The following SLC25A45 variants were observed in gnomAD, a reference collection of about 807,000 sequenced individuals.
SLC25A45 encodes the protein methylated amino-acid transporter SLC25A45.
Under a neutral mutation model 23.0 loss-of-function variants are expected in SLC25A45, and 22 were observed. The observed-to-expected ratio is 0.95, with a 90% CI of 0.68 to 1.36. The LOEUF (loss-of-function observed/expected upper bound fraction) is 1.36, where lower values mean the gene tolerates loss of function less well. Among genes scored for constraint, SLC25A45 ranks in the 40% most tolerant of loss-of-function variants. The pLI is 0.00. For synonymous variants in SLC25A45, 136 were observed against 155.0 expected (o/e 0.88, Z 0.91); for missense variants, 355 against 383.5 (o/e 0.93, Z 0.62).
chr11:65,379,078 A>C, intron 5 of SLC25A45: 1 of 402,830 alleles, frequency 2.5e-6, no homozygotes, highest in Non-Finnish European at 4.5e-6. Context: ...CACAGCTCTG[A>C]GGCTGGCAGA....
Position 65,376,510 on chromosome 11 carries a change from A to G in SLC25A45, c.764T>C (p.Leu255Pro), listed in dbSNP as rs369691355. ...CMVSSIRQEG[L>P]GVFFRGVTIN... ...GGTGACCCCCCGGAAGAAGACTCCCAGTCCTTCCTGCCGGATGCTGCTCAC... is the reference window on the plus strand; with the variant it reads ...GGTGACCCCCCGGAAGAAGACTCCCGGTCCTTCCTGCCGGATGCTGCTCAC... The change falls in exon 7 of 7, where the codon CTG becomes CCG. Residue 255 changes from leucine (L) to proline (P), a missense_variant. Coordinates refer to ENST00000398802, the MANE Select transcript of SLC25A45 (RefSeq NM_182556.4). 5.6e-6 allele frequency: 9 copies of G among 1,614,086 alleles called. No individual in the cohort carries two copies. Among genetic ancestry groups the G allele is most frequent in the East Asian group, 4.5e-5 (2 of 44,904 alleles).
At chr11:65,381,398 G>A (rs1158010993) in intron 2 of SLC25A45, 1 of 157,502 alleles carries the variant, frequency 6.3e-6, no homozygotes, top group Non-Finnish European at 1.4e-5. Context: ...CAAAGTGCTG[G>A]GCTTACAGGC....
chr11:65,376,671 T>TGAGCCTGGGGCAGAGA lies in SLC25A45; in HGVS notation c.599-12_602dup (p.Ala202LeufsTer161), dbSNP rs778937669. On this transcript the variant is annotated frameshift_variant, in exon 7 of 7. Coordinates refer to ENST00000398802, the MANE Select transcript of SLC25A45 (RefSeq NM_182556.4). LOFTEE classifies it high-confidence loss of function. Reference sequence around the variant, plus strand: ...AGCCCCCTGCCACCAGCACCGTGGCTGAGCCTGGGGCAGAGAGAGCCCAGA... The same window carrying TGAGCCTGGGGCAGAGA: ...AGCCCCCTGCCACCAGCACCGTGGCTGAGCCTGGGGCAGAGAGAGCCTGGGGCAGAGAGAGCCCAGA... 6.2e-7 allele frequency: 1 copy of TGAGCCTGGGGCAGAGA among 1,613,842 alleles called. No homozygotes were observed. Among genetic ancestry groups the TGAGCCTGGGGCAGAGA allele is most frequent in the East Asian group, 2.2e-5 (1 of 44,886 alleles).
chr11:65,381,842 C>G (rs1160847126), intron 2 of SLC25A45, 73 bp downstream of exon 2: 3 of 1,591,540 alleles, frequency 1.9e-6, no homozygotes, highest in Non-Finnish European at 2.6e-6. Context: ...CTGCTCCTCC[C>G]ATGTCACCCA....
At chr11:65,383,629 G>A (rs1239624279), upstream of SLC25A45, 1 of 151,954 alleles carries the variant, frequency 6.6e-6, no homozygotes, top group Non-Finnish European at 1.5e-5. Flanking sequence ...GTGATGACGG[G>A]CGCCTGTAGT....
At chr11:65,380,225 G>T (rs750187525) in intron 2 of SLC25A45, 50 bp from the exon 3 acceptor site, 16 of 1,613,654 alleles carry the variant, frequency 9.9e-6, no homozygotes, top group South Asian at 4.4e-5. Context: ...GCCAGGCCCA[G>T]GAAGCAAGTC....
intron 2 of SLC25A45, 39 bp downstream of exon 2, chr11:65,381,876 A>G: frequency 6.2e-7 from 1 of 1,613,428 alleles, no homozygotes; most frequent in Non-Finnish European, 8.5e-7. Context: ...GTGACCTACC[A>G]TTGGGTGTGA....
chr11:65,380,553 T>G, intron 2 of SLC25A45: 1 of 1,334,258 alleles, frequency 7.5e-7, no homozygotes, highest in Non-Finnish European at 9.8e-7. Context: ...AGCTTTACTC[T>G]TCTTTCTTCA....
At chr11:65,380,320 C>G (rs1404789944) in intron 2 of SLC25A45, 145 bp from the exon 3 acceptor site, 1 of 1,224,224 alleles carries the variant, frequency 8.2e-7, no homozygotes, top group Non-Finnish European at 1.2e-6. Flanking sequence ...CTGCCAAGCT[C>G]TAGAGACTCC....
intron 2 of SLC25A45, chr11:65,380,594 A>G (rs777179970): frequency 7.7e-7 from 1 of 1,295,206 alleles, no homozygotes; most frequent in Non-Finnish European, 1.0e-6. Context: ...GATCCAGAGC[A>G]GGCCCTGCTG....
In SLC25A45 at chr11:65,382,192, C is replaced by A. The variant is rs1565587257; in HGVS notation, c.-18-223G>T. On this transcript the variant is annotated intron_variant, in intron 1 of 6. Coordinates refer to ENST00000398802, the MANE Select transcript of SLC25A45 (RefSeq NM_182556.4). The surrounding 1 kb of genome is among the most constrained non-coding windows in gnomAD (Gnocchi z 4.4). ...TCTCACGGGCCAGGCGTGCCGGGAC[C>A]ACAGAGGCCCTGATCCCCGAGCCCG... 5.3e-6 allele frequency: 3 copies of A among 566,720 alleles called. No individual in the cohort carries two copies. Among genetic ancestry groups the A allele is most frequent in the Non-Finnish European group, 9.5e-6 (3 of 314,716 alleles). The allele number at this position is 566,720 out of a possible 1,614,324, so 35.1% of individuals were successfully genotyped here.
rs751081430 is a variant in SLC25A45 at position 65,381,984 on chromosome 11, A to G, written c.-18-15T>C. On this transcript the variant is annotated splice_polypyrimidine_tract_variant and intron_variant, in intron 1 of 6. Transcript: ENST00000398802. Reference sequence around the variant, plus strand: ...GCTTGCGGGAACTGGTGGCTCCAGCAGAGGAGACAGAGTTGAATTCCCCCC... The same window carrying G: ...GCTTGCGGGAACTGGTGGCTCCAGCGGAGGAGACAGAGTTGAATTCCCCCC... 19 of 1,589,766 alleles carry G rather than the reference A, an allele frequency of 1.2e-5. No homozygotes were observed. Among genetic ancestry groups the G allele is most frequent in the Non-Finnish European group, 1.5e-5 (17 of 1,157,936 alleles).
intron 5 of SLC25A45, 124 bp downstream of exon 5, chr11:65,379,252 C>T: frequency 8.6e-7 from 1 of 1,161,848 alleles, no homozygotes; most frequent in Non-Finnish European, 1.2e-6. Context: ...TAGCACAGGC[C>T]TCTTGTTCCC....
intron 5 of SLC25A45, chr11:65,377,366 A>G: frequency 7.9e-7 from 1 of 1,270,276 alleles, no homozygotes; most frequent in Non-Finnish European, 9.9e-7. Flanking sequence ...ACAAGCCTGG[A>G]TTCTTTTTGC....
rs112246159 is a variant in SLC25A45, at chr11:65,382,062, G to A, written c.-18-93C>T. ...CCTCCCACTAATGTTTAACCCTGGC[G>A]GGAAGGTGAGAATTGGCCTGGTGCC... On this transcript the variant is annotated intron_variant, in intron 1 of 6. Transcript: ENST00000398802. This position sits in a 1 kb window ranked among gnomAD's most constrained non-coding sequence, Gnocchi z 4.4. 2.0e-4 allele frequency: 201 copies of A among 995,320 alleles called. 1 individual carries two copies. In the African/African-American group the frequency reaches 2.4e-3, roughly 12 times the overall value. The allele number at this position is 995,320 out of a possible 1,614,324, so 61.7% of individuals were successfully genotyped here.
Position 65,376,579 on chromosome 11 carries a change from T to C in SLC25A45, c.695A>G (p.Asp232Gly). The change falls in exon 7 of 7, where the codon GAT becomes GGT. Residue 232 changes from aspartate (D) to glycine (G), a missense_variant. Physicochemically the swap from Asp to Gly is moderately conservative, Grantham distance 94. Coordinates refer to ENST00000398802, the MANE Select transcript of SLC25A45 (RefSeq NM_182556.4). ...CTGGTACACTCTGCGTCTCAGTCCA[T>C]CCATCTGCATCCGGGACTTGATCAT... ...LDMIKSRMQM[D>G]GLRRRVYQGM... The C allele has an allele frequency of 1.9e-6, 3 of 1,614,092 alleles. No individual in the cohort carries two copies. The South Asian group carries it at 3.3e-5, about 18-fold the overall frequency.
chr11:65,379,592 G>T, intron 4 of SLC25A45, 31 bp from the exon 5 acceptor site: 1 of 1,573,802 alleles, frequency 6.4e-7, no homozygotes, highest in Non-Finnish European at 8.7e-7. Flanking sequence ...AGCGGAGTAG[G>T]CACCGTGGGG....
intron 4 of SLC25A45, 37 bp from the exon 5 acceptor site, chr11:65,379,598 T>TG: frequency 6.4e-7 from 1 of 1,567,336 alleles, no homozygotes; most frequent in South Asian, 1.2e-5. Flanking sequence ...GTAGGCACCG[T>TG]GGGGCCTCCC....
chr11:65,380,013 G>A (rs1855463298), intron 3 of SLC25A45, 75 bp from the exon 4 acceptor site: 19 of 1,594,650 alleles, frequency 1.2e-5, no homozygotes, highest in African/African-American at 2.7e-5. Flanking sequence ...CCCCTCAAGC[G>A]GGATGCCAAC....
Sources: gnomAD v4.1 joint callset for allele counts on GRCh38, gnomAD v4.1.1 for gene constraint, Gnocchi (gnomAD v3.1) non-coding constraint, MANE v1.5 for transcripts, NCBI Gene and HGNC (gene_info 2026-07-23, HGNC 2026-07-21) for gene names.